Variants in LYPD6 observed in about 807,000 individuals in gnomAD.
LYPD6 encodes the protein ly6/PLAUR domain-containing protein 6.
Under a neutral mutation model 22.7 loss-of-function variants are expected in LYPD6, and 15 were observed. The observed-to-expected ratio is 0.66, with a 90% CI of 0.44 to 1.02. LYPD6 has a LOEUF of 1.02. Ranked by LOEUF, LYPD6 falls within the 50% of genes least tolerant of loss-of-function variation. The pLI is 0.00. For missense variants in LYPD6, 189 were observed against 208.4 expected (o/e 0.91, Z 0.57); for synonymous variants, 72 against 77.5 (o/e 0.93, Z 0.37).
intron 3 of LYPD6, among the ~76,000 whole-genome samples, chr2:149,453,274 C>A (rs1300537689): frequency 3.9e-5 from 6 of 152,086 alleles, no homozygotes; most frequent in Non-Finnish European, 7.3e-5. Flanking sequence ...CTACGTTTGC[C>A]CATGACTTTT....
chr2:149,447,826 A>C (rs1683721721), intron 2 of LYPD6, among the ~76,000 whole-genome samples: 1 of 152,218 alleles, frequency 6.6e-6, no homozygotes, highest in Non-Finnish European at 1.5e-5. Flanking sequence ...TTTTAAAGTC[A>C]TATGCAATTT....
At chr2:149,363,430 C>G (rs762143160) in intron 1 of LYPD6, among the ~76,000 whole-genome samples, 1 of 152,204 alleles carries the variant, frequency 6.6e-6, no homozygotes, top group African/African-American at 2.4e-5. Flanking sequence ...TGTGATGGCA[C>G]TGGGACTTGG....
At chr2:149,382,470 A>G (rs75334405) in intron 1 of LYPD6, among the ~76,000 whole-genome samples, 2,978 of 152,290 alleles carry the variant, frequency 0.02, 100 homozygotes, top group African/African-American at 0.068. Flanking sequence ...TCTTAAAATC[A>G]ACTCTTTGGC....
intron 1 of LYPD6, among the ~76,000 whole-genome samples, chr2:149,331,081 A>G (rs1445018070): frequency 6.6e-6 from 1 of 152,148 alleles, no homozygotes; most frequent in Non-Finnish European, 1.5e-5. Flanking sequence ...TGCGTCCACC[A>G]GGAACTCCAG....
intron 1 of LYPD6, among the ~76,000 whole-genome samples, chr2:149,381,712 T>C (rs1553516719): frequency 6.6e-6 from 1 of 152,214 alleles, no homozygotes; most frequent in Non-Finnish European, 1.5e-5. Context: ...TAACCTACAT[T>C]TGTCAATGCT....
chr2:149,452,288 G>T (rs1680847610), intron 3 of LYPD6, among the ~76,000 whole-genome samples: 1 of 152,192 alleles, frequency 6.6e-6, no homozygotes, highest in South Asian at 2.1e-4. Context: ...AAGCTGAGAA[G>T]GGGTGAGGCC....
intron 2 of LYPD6, among the ~76,000 whole-genome samples, chr2:149,440,582 C>G (rs532202412): frequency 1.3e-5 from 2 of 151,484 alleles, no homozygotes; most frequent in African/African-American, 2.4e-5. Context: ...TCCAAGTTCT[C>G]TTTAGAGTCT....
chr2:149,448,244 G>A (rs146276983), intron 2 of LYPD6, among the ~76,000 whole-genome samples: 169 of 152,298 alleles, frequency 1.1e-3, no homozygotes, highest in African/African-American at 3.8e-3. Context: ...CATGAGCTGA[G>A]ATTGTGCCAC....
At chr2:149,386,388 C>T (rs1682185564) in intron 1 of LYPD6, among the ~76,000 whole-genome samples, 2 of 152,162 alleles carry the variant, frequency 1.3e-5, no homozygotes, top group African/African-American at 4.8e-5. Flanking sequence ...CTGCCTCTTA[C>T]CAGTCTCATC....
downstream of LYPD6, among the ~76,000 whole-genome samples, chr2:149,476,230 G>A (rs998453770): frequency 6.6e-6 from 1 of 152,104 alleles, no homozygotes; most frequent in Non-Finnish European, 1.5e-5. Flanking sequence ...GCAGTCTTAC[G>A]AGGACCATCA....
intron 1 of LYPD6, among the ~76,000 whole-genome samples, chr2:149,388,019 A>AT: frequency 6.6e-6 from 1 of 152,344 alleles, no homozygotes; most frequent in Non-Finnish European, 1.5e-5. Flanking sequence ...TGGAAAATGT[A>AT]TTGTGACCCT....
At chr2:149,442,750 G>A (rs756319222) in intron 2 of LYPD6, among the ~76,000 whole-genome samples, 7 of 151,976 alleles carry the variant, frequency 4.6e-5, no homozygotes, top group Non-Finnish European at 7.4e-5. Flanking sequence ...TCTCAAGAGG[G>A]AAGAATTTAA....
chr2:149,421,494 T>G (rs1683078924), intron 1 of LYPD6, among the ~76,000 whole-genome samples: 1 of 151,814 alleles, frequency 6.6e-6, no homozygotes, highest in Non-Finnish European at 1.5e-5. Flanking sequence ...CTGAGTGTTG[T>G]GGGGATTACA....
At chr2:149,345,017 T>C (rs898753889) in intron 1 of LYPD6, among the ~76,000 whole-genome samples, 4 of 151,930 alleles carry the variant, frequency 2.6e-5, no homozygotes, top group African/African-American at 9.7e-5. Flanking sequence ...CTGTAAATAG[T>C]CATTGCATTC....
intron 1 of LYPD6, among the ~76,000 whole-genome samples, chr2:149,402,760 A>G (rs1029132237): frequency 1.3e-5 from 2 of 151,820 alleles, no homozygotes; most frequent in Non-Finnish European, 2.9e-5. Flanking sequence ...TTTAAGTTTT[A>G]GGGTACATGT....
intron 3 of LYPD6, among the ~76,000 whole-genome samples, chr2:149,468,163 A>G (rs1334367180): frequency 6.9e-6 from 1 of 145,136 alleles, no homozygotes. Flanking sequence ...ACACACACAC[A>G]CACACACACA....
chr2:149,427,148 G>C (rs1333628562), intron 1 of LYPD6, among the ~76,000 whole-genome samples: 1 of 152,108 alleles, frequency 6.6e-6, no homozygotes, highest in African/African-American at 2.4e-5. Context: ...AGGATATAAA[G>C]CATATGCCTC....
chr2:149,465,142 A>G (rs1681173646), intron 3 of LYPD6, among the ~76,000 whole-genome samples: 1 of 152,212 alleles, frequency 6.6e-6, no homozygotes, highest in Non-Finnish European at 1.5e-5. Context: ...CGACTTTCAT[A>G]TTAGGGAAAG....
chr2:149,424,414 G>A (rs547913267), intron 1 of LYPD6, among the ~76,000 whole-genome samples: 1 of 152,240 alleles, frequency 6.6e-6, no homozygotes, highest in African/African-American at 2.4e-5. Flanking sequence ...AGAAGCTATC[G>A]GTCTCATTTT....
Sources: allele counts gnomAD v4.1 joint callset (sites outside exome capture counted in the v4.1 genomes callset), GRCh38; gene constraint gnomAD v4.1.1; transcripts MANE v1.5; gene names NCBI Gene and HGNC (gene_info 2026-07-23, HGNC 2026-07-21).